Variants in EML4 observed in about 807,000 individuals in gnomAD.
The protein encoded by EML4 is EMAP like 4.
EML4 carries 72 observed loss-of-function variants against 129.0 expected under a neutral mutation model. That is an observed-to-expected ratio of 0.56 (90% CI 0.46 to 0.68). The LOEUF is 0.68. Among genes scored for constraint, EML4 ranks in the 30% least tolerant of loss-of-function variants. The probability of loss-of-function intolerance (pLI) is 0.00; values close to 1 mark genes in which losing one functional copy is unlikely to be tolerated. For missense variants in EML4, 1,363 were observed against 1,190.6 expected, an observed-to-expected ratio of 1.14 and a Z score of -2.13; for synonymous variants, 532 against 405.0, an observed-to-expected ratio of 1.31 and a Z score of -3.77.
At chr2:42,218,644 C>T (rs1033130471) in intron 1 of EML4, among the ~76,000 whole-genome samples, 9 of 152,148 alleles carry the variant, frequency 5.9e-5, no homozygotes, top group Non-Finnish European at 1.0e-4. Flanking sequence ...TTTGCCCTAT[C>T]ATAGTTAGTT....
chr2:42,277,657 C>T (rs1318578750), intron 6 of EML4, among the ~76,000 whole-genome samples: 2 of 151,932 alleles, frequency 1.3e-5, no homozygotes, highest in African/African-American at 4.8e-5. Context: ...CAACCCCCGC[C>T]TCCCAGGTTC....
At chr2:42,239,491 C>T (rs1674880086) in intron 1 of EML4, among the ~76,000 whole-genome samples, 1 of 152,072 alleles carries the variant, frequency 6.6e-6, no homozygotes, top group Non-Finnish European at 1.5e-5. Context: ...TGTAGATTTC[C>T]TTGTATTTCT....
rs201040166 is a variant in EML4 at position 42,305,887 on chromosome 2, G to T, written c.1967+1336G>T. On this transcript the variant is annotated intron_variant, in intron 17 of 22. Transcript: ENST00000318522. Reference sequence around the variant, plus strand: ...AACTAAATTTAGTCATTTAGAGGGGGTTTTTTTATAGCGATTTTTCCTTCT... The same window carrying T: ...AACTAAATTTAGTCATTTAGAGGGGTTTTTTTTATAGCGATTTTTCCTTCT... Among the ~76,000 whole-genome samples, 10 of 139,936 alleles carry T rather than the reference G, an allele frequency of 7.1e-5. No individual in the cohort carries two copies. In the South Asian group the frequency reaches 8.8e-4, roughly 12 times the overall value. 91.8% of individuals were successfully genotyped at this position (139,936 alleles called of 152,430 possible).
intron 21 of EML4, 92 bp downstream of exon 21, chr2:42,326,344 G>T: frequency 1.2e-6 from 1 of 852,984 alleles, no homozygotes; most frequent in Non-Finnish European, 1.8e-6. Flanking sequence ...AAAATAGTCT[G>T]TGTATTCTTT....
At chr2:42,178,334 G>A (rs919585507) in intron 1 of EML4, among the ~76,000 whole-genome samples, 1 of 151,952 alleles carries the variant, frequency 6.6e-6, no homozygotes, top group African/African-American at 2.4e-5. Context: ...CTTGAGGCCT[G>A]GAGTTCAAGA....
chr2:42,271,234 T>C (rs1666346590), intron 6 of EML4, among the ~76,000 whole-genome samples: 1 of 152,240 alleles, frequency 6.6e-6, no homozygotes, highest in East Asian at 1.9e-4. Flanking sequence ...ATAACCTGTA[T>C]AACCATAACT....
intron 2 of EML4, among the ~76,000 whole-genome samples, chr2:42,249,923 A>G (rs1675654121): frequency 6.6e-6 from 1 of 152,172 alleles, no homozygotes; most frequent in East Asian, 1.9e-4. Flanking sequence ...AATCCCTGCC[A>G]AAAGAAAAAA....
intron 3 of EML4, among the ~76,000 whole-genome samples, chr2:42,257,940 T>A (rs1237133116): frequency 6.6e-6 from 1 of 152,142 alleles, no homozygotes; most frequent in African/African-American, 2.4e-5. Context: ...TTACCTGTAC[T>A]CCACTTTGAG....
intron 4 of EML4, 89 bp from the exon 5 acceptor site, chr2:42,263,089 T>C: frequency 9.1e-7 from 1 of 1,096,246 alleles, no homozygotes; most frequent in Non-Finnish European, 1.3e-6. Context: ...AAGGAAATGT[T>C]AATTGCTGCT....
At chr2:42,201,120 G>A (rs543443347) in intron 1 of EML4, among the ~76,000 whole-genome samples, 11 of 152,130 alleles carry the variant, frequency 7.2e-5, no homozygotes, top group Non-Finnish European at 1.5e-4. Context: ...TGTCAACTGT[G>A]CTAATTTTCA....
chr2:42,173,316 C>T (rs74416872), intron 1 of EML4, among the ~76,000 whole-genome samples: 7,104 of 150,840 alleles, frequency 0.047, 562 homozygotes, highest in African/African-American at 0.16. Context: ...TTTTTTTAAA[C>T]TTTTTTTATT....
At chr2:42,307,103 C>T (rs1021215835) in intron 17 of EML4, among the ~76,000 whole-genome samples, 50 of 152,132 alleles carry the variant, frequency 3.3e-4, no homozygotes, top group African/African-American at 1.1e-3. Context: ...GTAAGGCTAG[C>T]GGGGTTTGAA....
At position 42,245,631 on chromosome 2, in the gene EML4, G is replaced by A. The variant is rs763325044; in HGVS notation, c.152G>A (p.Arg51His). ...GCGGCTTTGGCTGATGTTTTGAGGC[G>A]TCTTGCAATCTCTGAAGATCATGTG... ...LKAALADVLR[R>H]LAISEDHVAS... Residue 51 changes from arginine (R) to histidine (H), a missense_variant, in exon 2 of 23, where the codon CGT becomes CAT. Physicochemically the swap from Arg to His is conservative, Grantham distance 29. Transcript: ENST00000318522. 41 of 1,613,476 alleles carry A rather than the reference G, an allele frequency of 2.5e-5. No individual in the cohort carries two copies. The highest frequency in any genetic ancestry group is 2.9e-5 in the Non-Finnish European group (34 of 1,179,718).
chr2:42,256,807 T>A (rs1211666077), intron 3 of EML4, among the ~76,000 whole-genome samples, 177 bp downstream of exon 3: 1 of 152,236 alleles, frequency 6.6e-6, no homozygotes, highest in Non-Finnish European at 1.5e-5. Context: ...CTTGCACTCA[T>A]CATGCCTGTC....
chr2:42,171,598 A>T (rs1036603365), intron 1 of EML4, among the ~76,000 whole-genome samples: 1 of 152,200 alleles, frequency 6.6e-6, no homozygotes, highest in Admixed American at 6.5e-5. Context: ...TGTTGACCCT[A>T]ATGTTGGATT....
chr2:42,315,735 G>T (rs1244428808), intron 17 of EML4, among the ~76,000 whole-genome samples: 1 of 152,002 alleles, frequency 6.6e-6, no homozygotes, highest in Non-Finnish European at 1.5e-5. Context: ...TTAAAAATTA[G>T]CCAGGCACGG....
chr2:42,197,958 G>A (rs10195776), intron 1 of EML4, among the ~76,000 whole-genome samples: 19,261 of 152,238 alleles, frequency 0.13, 1,228 homozygotes, highest in East Asian at 0.18. Flanking sequence ...CAGTGCCTAC[G>A]TGTACATCCT....
At chr2:42,274,297 G>A (rs1666533646) in intron 6 of EML4, among the ~76,000 whole-genome samples, 1 of 152,118 alleles carries the variant, frequency 6.6e-6, no homozygotes, top group South Asian at 2.1e-4. Context: ...TTCCTAAAAT[G>A]GAAACTTTCA....
chr2:42,215,785 T>C (rs1436784123), intron 1 of EML4, among the ~76,000 whole-genome samples: 2 of 152,208 alleles, frequency 1.3e-5, no homozygotes, highest in African/African-American at 2.4e-5. Flanking sequence ...CTTCTCCCTT[T>C]GAGAACTTAT....
Sources: gnomAD v4.1 joint callset for allele counts (sites outside exome capture counted in the v4.1 genomes callset) on GRCh38, gnomAD v4.1.1 for gene constraint, MANE v1.5 for transcripts, NCBI Gene and HGNC (gene_info 2026-07-23, HGNC 2026-07-21) for gene names.